The following DRC8 variants were observed in gnomAD, a reference collection of about 807,000 sequenced individuals.
DRC8 encodes the protein dynein regulatory complex subunit 8.
At chr1:245,003,692 T>G in the DRC8 span, among the ~76,000 whole-genome samples, 1 of 152,162 alleles carries the variant, frequency 6.6e-6, no homozygotes, top group African/African-American at 2.4e-5. Flanking sequence ...TGGGCTCAAG[T>G]GATCCTTCCA....
chr1:245,044,606 C>T, the DRC8 span, among the ~76,000 whole-genome samples: 9 of 151,632 alleles, frequency 5.9e-5, no homozygotes, highest in Non-Finnish European at 8.8e-5. Flanking sequence ...GAGACGGAGT[C>T]TCGTTCTGTT....
At chr1:245,066,409 T>C in the DRC8 span, among the ~76,000 whole-genome samples, 1 of 152,092 alleles carries the variant, frequency 6.6e-6, no homozygotes, top group Non-Finnish European at 1.5e-5. Flanking sequence ...CTGATAATTA[T>C]AGCATATAAG....
At chr1:245,041,679 A>AT in the DRC8 span, among the ~76,000 whole-genome samples, 9 of 152,192 alleles carry the variant, frequency 5.9e-5, no homozygotes, top group Non-Finnish European at 1.5e-5. Flanking sequence ...TAAAGAGGTG[A>AT]TTAAGTTAAA....
the DRC8 span, among the ~76,000 whole-genome samples, chr1:245,106,054 C>A: frequency 1.3e-5 from 2 of 152,216 alleles, no homozygotes; most frequent in Middle Eastern, 3.2e-3. Context: ...CAGAGCAAGA[C>A]CCTGTCTCTG....
chr1:245,045,666 T>C, the DRC8 span, among the ~76,000 whole-genome samples: 1 of 151,980 alleles, frequency 6.6e-6, no homozygotes, highest in African/African-American at 2.4e-5. Context: ...CAAACAGGAG[T>C]TGGTTTTCGC....
At chr1:244,975,775 G>A in the DRC8 span, among the ~76,000 whole-genome samples, 5 of 152,180 alleles carry the variant, frequency 3.3e-5, no homozygotes, top group East Asian at 5.8e-4. Context: ...CAGGAGAATC[G>A]CTTGAACCCA....
chr1:245,051,975 A>C, the DRC8 span, among the ~76,000 whole-genome samples: 807 of 152,282 alleles, frequency 5.3e-3, 4 homozygotes, highest in African/African-American at 0.018. Context: ...GAGGATTAAT[A>C]ATAGCACCCA....
the DRC8 span, among the ~76,000 whole-genome samples, chr1:245,108,292 A>G: frequency 6.6e-6 from 1 of 152,152 alleles, no homozygotes; most frequent in Admixed American, 6.6e-5. Context: ...CCTCAGCGAC[A>G]TGCCCATTGC....
At chr1:245,088,535 T>C in the DRC8 span, among the ~76,000 whole-genome samples, 1 of 152,200 alleles carries the variant, frequency 6.6e-6, no homozygotes, top group African/African-American at 2.4e-5. This position sits in a 1 kb window ranked among gnomAD's most constrained non-coding sequence, Gnocchi z 4.6. Flanking sequence ...GATGATGTGC[T>C]GGGAACCGGA....
the DRC8 span, among the ~76,000 whole-genome samples, chr1:245,072,562 C>A: frequency 6.6e-6 from 1 of 152,200 alleles, no homozygotes; most frequent in Non-Finnish European, 1.5e-5. Flanking sequence ...GGCAGTGAAA[C>A]TACTCTGTGT....
At chr1:245,052,922 T>C in the DRC8 span, among the ~76,000 whole-genome samples, 1 of 152,226 alleles carries the variant, frequency 6.6e-6, no homozygotes, top group Non-Finnish European at 1.5e-5. Flanking sequence ...TCTTTTTATG[T>C]GAGTTTCTTC....
the DRC8 span, among the ~76,000 whole-genome samples, chr1:245,029,185 TAAC>T: frequency 2.0e-5 from 3 of 152,178 alleles, no homozygotes; most frequent in Non-Finnish European, 4.4e-5. Flanking sequence ...ACAAGAAAAA[TAAC>T]ATTTGGATTC....
the DRC8 span, among the ~76,000 whole-genome samples, chr1:245,038,079 C>G: frequency 1.3e-5 from 2 of 152,160 alleles, no homozygotes; most frequent in Non-Finnish European, 2.9e-5. Context: ...AACACAGTCT[C>G]AATTAAAATA....
chr1:245,086,748 C>A, the DRC8 span: 1 of 533,460 alleles, frequency 1.9e-6, no homozygotes, highest in Non-Finnish European at 3.8e-6. Context: ...GTCGTTATCA[C>A]CCCCATTCTA....
At chr1:245,028,916 T>TA in the DRC8 span, among the ~76,000 whole-genome samples, 14 of 152,356 alleles carry the variant, frequency 9.2e-5, no homozygotes, top group East Asian at 2.7e-3. Context: ...ACTGAAATGG[T>TA]TACTTACTTT....
chr1:245,106,921 G>A, the DRC8 span, among the ~76,000 whole-genome samples: 1 of 152,192 alleles, frequency 6.6e-6, no homozygotes, highest in Admixed American at 6.5e-5. Flanking sequence ...GCGGGTGCCT[G>A]TAATCCCAGC....
the DRC8 span, among the ~76,000 whole-genome samples, chr1:244,997,097 A>G: frequency 6.6e-6 from 1 of 152,328 alleles, no homozygotes; most frequent in South Asian, 2.1e-4. Context: ...AAGACTGTAC[A>G]TGTTCAGTAC....
chr1:245,117,434 T>C, the DRC8 span, among the ~76,000 whole-genome samples: 8 of 151,982 alleles, frequency 5.3e-5, no homozygotes, highest in African/African-American at 1.7e-4. Context: ...TTTTATTTAT[T>C]TATTTTTGAG....
chr1:245,043,170 G>A, the DRC8 span, among the ~76,000 whole-genome samples: 1 of 152,150 alleles, frequency 6.6e-6, no homozygotes, highest in Admixed American at 6.5e-5. Flanking sequence ...GGTGGCTCAC[G>A]CCTGCAATAC....
Sources: allele counts gnomAD v4.1 joint callset (sites outside exome capture counted in the v4.1 genomes callset), GRCh38; gene constraint gnomAD v4.1.1; non-coding constraint Gnocchi (gnomAD v3.1); transcripts MANE v1.5; gene names NCBI Gene and HGNC (gene_info 2026-07-23, HGNC 2026-07-21).